SBNO1: variants seen among roughly 807,000 people sequenced by gnomAD.
SBNO1 encodes strawberry notch homolog 1.
A neutral mutation model predicts 173.6 loss-of-function variants in SBNO1; 23 were observed. The observed-to-expected ratio is 0.13, with a 90% CI of 0.10 to 0.19. SBNO1 has a LOEUF of 0.19. Ranked by LOEUF, SBNO1 falls within the 10% of genes least tolerant of loss-of-function variation. The probability of loss-of-function intolerance (pLI) is 1.00; values close to 1 mark genes in which losing one functional copy is unlikely to be tolerated. For synonymous variants in SBNO1, 632 were observed against 571.5 expected, an observed-to-expected ratio of 1.11 and a Z score of -1.51; for missense variants, 1,238 against 1,671.2, an observed-to-expected ratio of 0.74 and a Z score of 4.52.
At chr12:123,323,921 T>G in intron 15 of SBNO1, 90 bp from the exon 16 acceptor site, 1 of 1,016,940 alleles carries the variant, frequency 9.8e-7, no homozygotes, top group Admixed American at 3.7e-5. Context: ...TATACTTTGT[T>G]CAGTTTTACA....
Position 123,309,397 on chromosome 12 carries a change from A to G in SBNO1, c.3543T>C (p.Ser1181=), listed in dbSNP as rs773177578. ...TSGHVELYTI[S]VERGMSWEEA... ...CCTCCCATGACATTCCCCTCTCTAC[A>G]CTAATCTGTAAGAGAAACAACGAAA... The change falls in exon 28 of 32, where the codon AGT becomes AGC. Residue 1181 remains serine (S), a synonymous_variant. Coordinates refer to ENST00000602398, the MANE Select transcript of SBNO1 (RefSeq NM_001167856.3). 11 of 1,613,184 alleles carry G rather than the reference A, an allele frequency of 6.8e-6. No individual in the cohort carries two copies. The Admixed American group carries it at 1.8e-4, about 27-fold the overall frequency.
In SBNO1 at chr12:123,298,165, G is replaced by A. The variant is rs1278424516; in HGVS notation, c.3852C>T (p.Gly1284=). The A allele has an allele frequency of 6.2e-7, 1 of 1,611,348 alleles. No individual in the cohort carries two copies. The highest frequency in any genetic ancestry group is 1.7e-5 in the Admixed American group (1 of 59,070). The change falls in exon 31 of 32, where the codon GGC becomes GGT. Residue 1284 remains glycine, a synonymous_variant. Transcript: ENST00000602398. ...ADTCTHAYWR[G]NCKKASLGLV... ...GCCCCAAGCTTGCTTTTTTGCAATTGCCGCGCCTAAGAAAAATGGGAAAGA... is the reference window on the plus strand; with the variant it reads ...GCCCCAAGCTTGCTTTTTTGCAATTACCGCGCCTAAGAAAAATGGGAAAGA...
intron 3 of SBNO1, among the ~76,000 whole-genome samples, chr12:123,345,849 A>G (rs1157698484): frequency 4.6e-5 from 7 of 151,966 alleles, no homozygotes; most frequent in South Asian, 2.1e-4. Flanking sequence ...TTTTTTAGAG[A>G]TAAGAGTCTC....
At position 123,311,082 on chromosome 12, in the gene SBNO1, G is replaced by C. The variant is rs546657066; in HGVS notation, c.3268C>G (p.Arg1090Gly). The C allele has an allele frequency of 6.2e-7, 1 of 1,613,246 alleles. No homozygotes were observed. The highest frequency in any genetic ancestry group is 1.7e-5 in the Admixed American group (1 of 59,980). Residue 1090 changes from arginine (R) to glycine (G), a missense_variant, in exon 25 of 32, where the codon CGC (arginine) becomes GGC (glycine). Physicochemically the swap from Arg to Gly is moderately radical, Grantham distance 125. Transcript: ENST00000602398. ...IGVGLINVEDRSGILTLDKDY... is the reference protein window; with the variant it reads ...IGVGLINVEDGSGILTLDKDY... ...TTATCGAGAGTAAGAATTCCCGAGC[G>C]ATCTTCTACATTTATCAGGCCAACG...
At chr12:123,301,975 T>C (rs933338800) in intron 30 of SBNO1, among the ~76,000 whole-genome samples, 1 of 151,952 alleles carries the variant, frequency 6.6e-6, no homozygotes, top group African/African-American at 2.4e-5. Context: ...GTTTTTGCTC[T>C]TGTTGCCCAG....
intron 3 of SBNO1, among the ~76,000 whole-genome samples, chr12:123,347,154 G>A (rs185037866): frequency 1.6e-4 from 24 of 151,838 alleles, no homozygotes; most frequent in African/African-American, 4.3e-4. Flanking sequence ...TTGGGAAAGC[G>A]GCAAAAAGCA....
At chr12:123,358,875 T>A (rs1874786093) in intron 1 of SBNO1, among the ~76,000 whole-genome samples, 1 of 152,074 alleles carries the variant, frequency 6.6e-6, no homozygotes, top group Non-Finnish European at 1.5e-5. Flanking sequence ...CCTGTTCCAG[T>A]ACTTTTCAAA....
At chr12:123,344,908 A>T (rs1872945924) in intron 4 of SBNO1, among the ~76,000 whole-genome samples, 1 of 152,226 alleles carries the variant, frequency 6.6e-6, no homozygotes, top group South Asian at 2.1e-4. Flanking sequence ...TTCTGCTTTC[A>T]AACAAGATCC....
At position 123,302,890 on chromosome 12, in the gene SBNO1, T is replaced by C; in HGVS notation, c.3779A>G (p.Asp1260Gly). ...LKKKYKKVVS[D>G]DALMHWLDQY... The stretch of plus-strand genomic sequence containing the variant: ...ATCTAACCAGTGCATCAGGGCATCA[T>C]CTGAGACGACCTGTAAAAATGAGAA... Residue 1260 changes from aspartate to glycine, a missense_variant, in exon 30 of 32, where the codon GAT (aspartate) becomes GGT (glycine). Asp to Gly is a moderately conservative substitution (Grantham distance 94). Transcript: ENST00000602398. 1 of 1,611,948 alleles carries C rather than the reference T, an allele frequency of 6.2e-7. No homozygotes were observed. Among genetic ancestry groups the C allele is most frequent in the Non-Finnish European group, 8.5e-7 (1 of 1,178,058 alleles).
chr12:123,318,168 G>C (rs1249358301), intron 20 of SBNO1, among the ~76,000 whole-genome samples: 2 of 152,094 alleles, frequency 1.3e-5, no homozygotes, highest in African/African-American at 4.8e-5. Flanking sequence ...TGCCCAGGCT[G>C]GTCTCAAACT....
Position 123,320,050 on chromosome 12 carries a change from T to C in SBNO1, c.2668-19A>G. ...CAGTCATCTGAGAAGCCAAACAATG[T>C]CATTACAATGAAGGTATCTGACTGC... On this transcript the variant is annotated intron_variant, in intron 19 of 31. Coordinates refer to ENST00000602398, the MANE Select transcript of SBNO1 (RefSeq NM_001167856.3). The C allele has an allele frequency of 6.2e-7, 1 of 1,613,630 alleles. No homozygotes were observed. The highest frequency in any genetic ancestry group is 8.5e-7 in the Non-Finnish European group (1 of 1,179,870).
At position 123,294,001 on chromosome 12, in the gene SBNO1, T is replaced by TG. The variant is rs2048548255; in HGVS notation, c.*1906dup. The TG allele has an allele frequency of 6.6e-6, 1 of 152,164 alleles. No homozygotes were observed. The allele number at this position is 152,164 out of a possible 1,614,324, so 9.4% of individuals were successfully genotyped here. ...ATGAGCTGAGAAGTTCTGCTGAAGGTGGGGAGAGTGCTGCTCTTGGCTGCC... is the reference window on the plus strand; with the variant it reads ...ATGAGCTGAGAAGTTCTGCTGAAGGTGGGGGAGAGTGCTGCTCTTGGCTGCC... On this transcript the variant is annotated 3_prime_UTR_variant, in exon 32 of 32. Transcript: ENST00000602398.
intron 1 of SBNO1, among the ~76,000 whole-genome samples, chr12:123,354,846 G>A (rs1874257352): frequency 7.0e-6 from 1 of 142,518 alleles, no homozygotes; most frequent in Non-Finnish European, 1.5e-5. Context: ...AACCACGGAA[G>A]GTCTCTCTCT....
At chr12:123,304,267 G>GCTT (rs1301962505) in intron 29 of SBNO1, among the ~76,000 whole-genome samples, 2 of 151,900 alleles carry the variant, frequency 1.3e-5, no homozygotes, top group East Asian at 3.9e-4. Flanking sequence ...GAAGTTTCGC[G>GCTT]CTTGTTGCCC....
intron 1 of SBNO1, among the ~76,000 whole-genome samples, chr12:123,360,377 G>C (rs1198482387): frequency 1.3e-5 from 2 of 152,170 alleles, no homozygotes; most frequent in African/African-American, 4.8e-5. Flanking sequence ...CAGGTGGCAA[G>C]TCACAAATCG....
intron 21 of SBNO1, among the ~76,000 whole-genome samples, chr12:123,316,982 A>G (rs563664689): frequency 1.3e-5 from 2 of 152,028 alleles, no homozygotes; most frequent in African/African-American, 4.8e-5. Context: ...GATTACAGGC[A>G]CGAGCCACTG....
chr12:123,301,956 T>A (rs1428508775), intron 30 of SBNO1, among the ~76,000 whole-genome samples: 2 of 151,894 alleles, frequency 1.3e-5, no homozygotes, highest in African/African-American at 4.8e-5. Context: ...TTTTTTTTTT[T>A]AAGAGACAGT....
At position 123,309,835 on chromosome 12, in the gene SBNO1, A is replaced by T; in HGVS notation, c.3317T>A (p.Phe1106Tyr). 3.1e-6 allele frequency: 5 copies of T among 1,601,064 alleles called. No individual in the cohort carries two copies. Among genetic ancestry groups the T allele is most frequent in the Non-Finnish European group, 4.3e-6 (5 of 1,174,574 alleles). Residue 1106 changes from phenylalanine (F) to tyrosine (Y), a missense_variant, in exon 26 of 32, where the codon TTC becomes TAC. By Grantham distance (22) the Phe-to-Tyr change is conservative. Coordinates refer to ENST00000602398, the MANE Select transcript of SBNO1 (RefSeq NM_001167856.3). ...CTCCATGCCTAAAATTCTATTTAAG[A>T]ATTTTCCTATGTTGTTATAATCTGT... is the stretch of plus-strand genomic sequence containing the variant. ...LDKDYNNIGKFLNRILGMEVH... is the reference protein window; with the variant it reads ...LDKDYNNIGKYLNRILGMEVH...
chr12:123,337,556 AAAG>A (rs1220372666), intron 5 of SBNO1, among the ~76,000 whole-genome samples: 1 of 152,224 alleles, frequency 6.6e-6, no homozygotes, highest in African/African-American at 2.4e-5. Flanking sequence ...GTGAAAAGGA[AAAG>A]AAGTGGGACA....
Sources: gnomAD v4.1 joint callset for allele counts (sites outside exome capture counted in the v4.1 genomes callset) on GRCh38, gnomAD v4.1.1 for gene constraint, MANE v1.5 for transcripts, NCBI Gene and HGNC (gene_info 2026-07-23, HGNC 2026-07-21) for gene names.